SGIP1: variants seen among roughly 807,000 people sequenced by gnomAD.
SGIP1 encodes the protein SH3GL interacting endocytic adaptor 1.
In SGIP1, 38 loss-of-function variants were observed where a neutral mutation model predicts 107.5. That is an observed-to-expected ratio of 0.35 (90% CI 0.27 to 0.46). SGIP1 has a LOEUF of 0.46. SGIP1 is among the 20% of genes least tolerant of loss of function. SGIP1 has a pLI of 1.00. For synonymous variants in SGIP1, 365 were observed against 366.1 expected, an observed-to-expected ratio of 1.00 and a Z score of 0.03; for missense variants, 929 against 1,019.5, an observed-to-expected ratio of 0.91 and a Z score of 1.21.
intron 1 of SGIP1, among the ~76,000 whole-genome samples, chr1:66,589,216 A>ATATATATGTGTGTG (rs1553238978): frequency 3.1e-5 from 3 of 96,430 alleles, no homozygotes; most frequent in African/African-American, 1.2e-4. Context: ...ATATATATAT[A>ATATATATGTGTGTG]TGTAAGGCTT....
Position 66,671,933 on chromosome 1 carries a change from C to A in SGIP1, c.509-11C>A. The A allele has an allele frequency of 6.2e-7, 1 of 1,613,760 alleles. No homozygotes were observed. Among genetic ancestry groups the A allele is most frequent in the East Asian group, 2.2e-5 (1 of 44,866 alleles). On this transcript the variant is annotated splice_polypyrimidine_tract_variant and intron_variant, in intron 10 of 24. Transcript: ENST00000371037. The stretch of plus-strand genomic sequence containing the variant: ...AATTTGTCTAAAAAGTTCCTTTGTC[C>A]TGTGCATCAGGTGAAGAAGTGGCAA...
intron 19 of SGIP1, among the ~76,000 whole-genome samples, chr1:66,727,528 T>G (rs1338355156): frequency 6.6e-6 from 1 of 152,230 alleles, no homozygotes; most frequent in African/African-American, 2.4e-5. Flanking sequence ...TCTCCTCCTG[T>G]GTACTTACCA....
intron 5 of SGIP1, among the ~76,000 whole-genome samples, chr1:66,642,517 A>G (rs1354297817): frequency 6.6e-6 from 1 of 152,116 alleles, no homozygotes. Context: ...CTTATCACCC[A>G]TGTTGCTTAG....
At chr1:66,640,522 G>C (rs1251901682) in intron 5 of SGIP1, among the ~76,000 whole-genome samples, 1 of 152,128 alleles carries the variant, frequency 6.6e-6, no homozygotes, top group African/African-American at 2.4e-5. Context: ...ATTGCAGGCA[G>C]GGGGAACAGA....
intron 1 of SGIP1, among the ~76,000 whole-genome samples, chr1:66,619,118 C>T (rs2070255338): frequency 6.6e-6 from 1 of 152,194 alleles, no homozygotes; most frequent in African/African-American, 2.4e-5. Context: ...TCCTCTTCTT[C>T]TCCAGAGCTC....
chr1:66,545,628 T>TTGTGTGTG (rs769603266), intron 1 of SGIP1, among the ~76,000 whole-genome samples: 14,773 of 138,846 alleles, frequency 0.11, 877 homozygotes, highest in East Asian at 0.24. Context: ...ACTGAACAAA[T>TTGTGTGTG]TGTGTGTGTG....
chr1:66,719,784 T>A (rs1485218007), intron 19 of SGIP1, among the ~76,000 whole-genome samples: 1 of 152,188 alleles, frequency 6.6e-6, no homozygotes, highest in African/African-American at 2.4e-5. Context: ...ATTGTCTTAA[T>A]CTTTCCTGGA....
intron 15 of SGIP1, among the ~76,000 whole-genome samples, chr1:66,688,218 CTCAGGAGTAG>C (rs2088928575): frequency 6.6e-6 from 1 of 152,178 alleles, no homozygotes; most frequent in Non-Finnish European, 1.5e-5. Flanking sequence ...TGACAAAAAC[CTCAGGAGTAG>C]TCAGAACTTT....
chr1:66,597,289 T>C (rs1228181774), intron 1 of SGIP1, among the ~76,000 whole-genome samples: 2 of 152,256 alleles, frequency 1.3e-5, no homozygotes, highest in African/African-American at 4.8e-5. Flanking sequence ...TAGCTTCCGC[T>C]TATAAGTGAG....
rs548762200 is a variant in SGIP1 at position 66,748,600 on chromosome 1, C to A, written c.*5505C>A. 3.6e-3 allele frequency among the ~76,000 whole-genome samples: 555 copies of A among 152,062 alleles called. 2 individuals carry two copies. Among genetic ancestry groups the A allele is most frequent in the Non-Finnish European group, 6.4e-3 (431 of 67,840 alleles). On this transcript the variant is annotated 3_prime_UTR_variant, in exon 25 of 25. Coordinates refer to ENST00000371037, the MANE Select transcript of SGIP1 (RefSeq NM_032291.4). ...TTTTTCCTTTGATTTCTAACTGCCT[C>A]CTTCTATCCCTAGAGTAATACCTTG...
At position 66,579,792 on chromosome 1, in the gene SGIP1, A is replaced by G. The variant is rs144406573; in HGVS notation, c.10+45424A>G. Among the ~76,000 whole-genome samples, 10 of 152,318 alleles carry G rather than the reference A, an allele frequency of 6.6e-5. No homozygotes were observed. The East Asian group carries it at 1.5e-3, about 24-fold the overall frequency. ...TATTGTTACAAAACCTTTCTGAGCA[A>G]CATCCCACCCAAATACAACTGGTCA... is the stretch of plus-strand genomic sequence containing the variant. On this transcript the variant is annotated intron_variant, in intron 1 of 24. Coordinates refer to ENST00000371037, the MANE Select transcript of SGIP1 (RefSeq NM_032291.4).
rs556708663 is a variant in SGIP1 at position 66,579,879 on chromosome 1, CT to C, written c.10+45518del. 1.0e-3 allele frequency among the ~76,000 whole-genome samples: 155 copies of C among 152,226 alleles called. 2 individuals are homozygous for C. The East Asian group carries it at 0.026, about 26-fold the overall frequency. On this transcript the variant is annotated intron_variant, in intron 1 of 24. Transcript: ENST00000371037. ...TGTCCTTTCAGTTGCTCTAACCAAA[CT>C]TTTTTTATTCATTCCTGATTTCTCT...
intron 1 of SGIP1, among the ~76,000 whole-genome samples, chr1:66,588,338 G>C (rs2062973312): frequency 6.6e-6 from 1 of 152,040 alleles, no homozygotes; most frequent in African/African-American, 2.4e-5. Context: ...TCTCTGGGAA[G>C]GTACTTGCCC....
At chr1:66,641,658 G>T (rs2076822926) in intron 5 of SGIP1, among the ~76,000 whole-genome samples, 1 of 152,082 alleles carries the variant, frequency 6.6e-6, no homozygotes, top group South Asian at 2.1e-4. Flanking sequence ...TTGTTATGTG[G>T]CTCAGTGAGG....
intron 1 of SGIP1, among the ~76,000 whole-genome samples, chr1:66,601,686 C>T (rs7528182): frequency 0.49 from 74,806 of 151,878 alleles, 18,874 homozygotes; most frequent in African/African-American, 0.6. Flanking sequence ...AATACAGATA[C>T]ACATATAAAA....
At chr1:66,591,755 A>C (rs1041557505) in intron 1 of SGIP1, among the ~76,000 whole-genome samples, 2 of 152,176 alleles carry the variant, frequency 1.3e-5, no homozygotes, top group African/African-American at 4.8e-5. Context: ...ATTGATCACT[A>C]TCTCTACCAT....
chr1:66,732,451 G>A (rs968063447), intron 20 of SGIP1, among the ~76,000 whole-genome samples: 11 of 152,050 alleles, frequency 7.2e-5, no homozygotes, highest in Non-Finnish European at 1.5e-5. Flanking sequence ...AAGTCTTAAG[G>A]ACCAGGTGTA....
At position 66,628,097 on chromosome 1, in the gene SGIP1, A is replaced by G. The variant is rs542393598; in HGVS notation, c.74+2187A>G. Among the ~76,000 whole-genome samples the G allele has an allele frequency of 8.5e-5, 13 of 152,220 alleles. No homozygotes were observed. The South Asian group carries it at 2.7e-3, about 32-fold the overall frequency. The stretch of plus-strand genomic sequence containing the variant: ...TGAACTCATTATTTTTTATGGCTGC[A>G]TAGTATTCCATGGTGTATATGTGCC... On this transcript the variant is annotated intron_variant, in intron 2 of 24. Coordinates refer to ENST00000371037, the MANE Select transcript of SGIP1 (RefSeq NM_032291.4).
In SGIP1 at chr1:66,726,553, G is replaced by A. The variant is rs997284075; in HGVS notation, c.1743-2711G>A. Among the ~76,000 whole-genome samples, 3 of 152,142 alleles carry A rather than the reference G, an allele frequency of 2.0e-5. No individual in the cohort carries two copies. The South Asian group carries it at 6.2e-4, about 31-fold the overall frequency. On this transcript the variant is annotated intron_variant, in intron 19 of 24. Transcript: ENST00000371037. Reference sequence around the variant, plus strand: ...ATAGACCAAATAAATCTATAGAACAGAATGAATCGTGAATCCAGAAATTGA... The same window carrying A: ...ATAGACCAAATAAATCTATAGAACAAAATGAATCGTGAATCCAGAAATTGA...
Sources: allele counts gnomAD v4.1 joint callset (sites outside exome capture counted in the v4.1 genomes callset), GRCh38; gene constraint gnomAD v4.1.1; transcripts MANE v1.5; gene names NCBI Gene and HGNC (gene_info 2026-07-23, HGNC 2026-07-21).